STT3B: variants seen among roughly 807,000 people sequenced by gnomAD.
The protein encoded by STT3B is dolichyl-diphosphooligosaccharide--protein glycosyltransferase subunit STT3B.
A neutral mutation model predicts 96.8 loss-of-function variants in STT3B; 29 were observed. The ratio of observed to expected loss-of-function variants is 0.30; its 90% CI spans 0.22 to 0.41. The LOEUF (loss-of-function observed/expected upper bound fraction) is 0.41. Among genes scored for constraint, STT3B ranks in the 10% least tolerant of loss-of-function variants. STT3B has a pLI of 1.00. For missense variants in STT3B, 640 were observed against 1,022.3 expected (o/e 0.63, Z 5.10); for synonymous variants, 367 against 360.0 (o/e 1.02, Z -0.22).
At chr3:31,568,513 C>G (rs1001506860) in intron 1 of STT3B, among the ~76,000 whole-genome samples, 1 of 152,148 alleles carries the variant, frequency 6.6e-6, no homozygotes, top group African/African-American at 2.4e-5. Flanking sequence ...ACATCTTAAC[C>G]AGCATTTGTT....
At chr3:31,559,902 T>C (rs1478437254) in intron 1 of STT3B, among the ~76,000 whole-genome samples, 1 of 152,150 alleles carries the variant, frequency 6.6e-6, no homozygotes, top group African/African-American at 2.4e-5. Flanking sequence ...AGAATTGTTA[T>C]TTCTTCTAGT....
intron 3 of STT3B, among the ~76,000 whole-genome samples, chr3:31,590,113 A>G (rs1698634658): frequency 6.6e-6 from 1 of 151,896 alleles, no homozygotes; most frequent in Admixed American, 6.6e-5. Flanking sequence ...TAAATGACCT[A>G]ATTTGTCGGC....
At position 31,573,572 on chromosome 3, in the gene STT3B, T is replaced by C. The variant is rs146176935; in HGVS notation, c.315-2824T>C. On this transcript the variant is annotated intron_variant, in intron 1 of 15. Transcript: ENST00000295770. The stretch of plus-strand genomic sequence containing the variant: ...AAATGACACCTAGATTTCTTCAACT[T>C]AGGTGGCGGTAAGAGAATACTGAAA... 7.1e-3 allele frequency among the ~76,000 whole-genome samples: 1,078 copies of C among 152,260 alleles called. 12 individuals carry two copies. Among genetic ancestry groups the C allele is most frequent in the African/African-American group, 0.024 (996 of 41,556 alleles).
At chr3:31,606,515 G>T (rs1029284748) in intron 5 of STT3B, among the ~76,000 whole-genome samples, 1 of 152,184 alleles carries the variant, frequency 6.6e-6, no homozygotes, top group Admixed American at 6.5e-5. Context: ...GGCTTCAGAG[G>T]TTGCAACCTG....
chr3:31,566,078 C>A (rs1697997056), intron 1 of STT3B, among the ~76,000 whole-genome samples: 2 of 152,060 alleles, frequency 1.3e-5, no homozygotes, highest in South Asian at 4.1e-4. Flanking sequence ...TATAAATAGA[C>A]AAATAGGTAA....
intron 3 of STT3B, among the ~76,000 whole-genome samples, chr3:31,583,120 A>G (rs1310660283): frequency 3.9e-5 from 6 of 152,170 alleles, no homozygotes; most frequent in East Asian, 1.9e-4. Flanking sequence ...ATTATTGAGA[A>G]TAGAGTATTG....
chr3:31,584,433 A>C (rs571801749), intron 3 of STT3B, among the ~76,000 whole-genome samples: 1 of 152,156 alleles, frequency 6.6e-6, no homozygotes, highest in Non-Finnish European at 1.5e-5. Context: ...CATAAGTTTT[A>C]AGATTAGCTT....
intron 1 of STT3B, among the ~76,000 whole-genome samples, chr3:31,551,426 A>G (rs1697557400): frequency 6.6e-6 from 1 of 152,126 alleles, no homozygotes; most frequent in Admixed American, 6.5e-5. Flanking sequence ...CATGTTGCCC[A>G]GGCTGGTCTT....
chr3:31,563,363 A>G (rs978798293), intron 1 of STT3B, among the ~76,000 whole-genome samples: 2 of 152,226 alleles, frequency 1.3e-5, no homozygotes, highest in African/African-American at 4.8e-5. Context: ...TGTGATAACT[A>G]TGTGCCAGAC....
intron 3 of STT3B, among the ~76,000 whole-genome samples, chr3:31,595,739 T>C (rs1320089489): frequency 1.3e-5 from 2 of 152,206 alleles, no homozygotes; most frequent in African/African-American, 4.8e-5. Flanking sequence ...TTTTGTGGGC[T>C]TAAAAATTTT....
chr3:31,579,721 A>G lies in STT3B; in HGVS notation c.424-88A>G, dbSNP rs1698341832. 5 of 979,148 alleles carry G rather than the reference A, an allele frequency of 5.1e-6. No homozygotes were observed. In the East Asian group the frequency reaches 1.5e-4, roughly 29 times the overall value. 60.7% of individuals were successfully genotyped at this position (979,148 alleles called of 1,614,324 possible). A position where few individuals can be genotyped will look rare whatever the true frequency, so the allele number is the denominator to read the frequency against. On this transcript the variant is annotated intron_variant, in intron 2 of 15. Transcript: ENST00000295770. ...GTTGCTTTCAAACTTATGTAAGGTAAACAAAATGTAATGATGAAGAGTACA... is the reference window on the plus strand; with the variant it reads ...GTTGCTTTCAAACTTATGTAAGGTAGACAAAATGTAATGATGAAGAGTACA...
At chr3:31,559,145 GGGTGTGT>G (rs1697796924) in intron 1 of STT3B, among the ~76,000 whole-genome samples, 2 of 72,432 alleles carry the variant, frequency 2.8e-5, no homozygotes, top group Admixed American at 3.2e-4. Flanking sequence ...TTGATTCTTG[GGGTGTGT>G]GTGTGTGTGT....
intron 1 of STT3B, among the ~76,000 whole-genome samples, chr3:31,543,755 T>C (rs769145581): frequency 2.0e-5 from 3 of 152,138 alleles, no homozygotes; most frequent in Admixed American, 6.5e-5. Flanking sequence ...CCATCAACAA[T>C]TGGGAGATGA....
intron 13 of STT3B, among the ~76,000 whole-genome samples, chr3:31,628,677 A>G (rs1699587608): frequency 1.3e-5 from 2 of 152,176 alleles, no homozygotes; most frequent in Admixed American, 1.3e-4. Context: ...CTCCCCAAAT[A>G]AAGCCGATTT....
intron 2 of STT3B, among the ~76,000 whole-genome samples, chr3:31,578,685 T>A (rs1212538092): frequency 1.3e-5 from 2 of 151,862 alleles, no homozygotes; most frequent in Non-Finnish European, 2.9e-5. Flanking sequence ...TTCCTCCCCC[T>A]CCCCCTTTCT....
Position 31,533,204 on chromosome 3 carries a change from A to G in STT3B, c.206A>G (p.Gln69Arg). ...SGGLSQPAGW[Q>R]SLLSFTILFL... ...GGGCTGTCGCAGCCGGCTGGGTGGC[A>G]GTCGCTTCTCTCCTTCACCATCCTC... is the stretch of plus-strand genomic sequence containing the variant. The change falls in exon 1 of 16, where the codon CAG becomes CGG. Residue 69 changes from glutamine to arginine, a missense_variant. Physicochemically the swap from Gln to Arg is conservative, Grantham distance 43. This residue lies in a region of STT3B where 267 missense variants were observed against 388.3 expected (regional missense o/e 0.69). Transcript: ENST00000295770. 6.9e-7 allele frequency: 1 copy of G among 1,443,584 alleles called. No homozygotes were observed. The highest frequency in any genetic ancestry group is 1.4e-5 in the South Asian group (1 of 72,918). The allele number at this position is 1,443,584 out of a possible 1,614,324, so 89.4% of individuals were successfully genotyped here. A position where few individuals can be genotyped will look rare whatever the true frequency, so the allele number is the denominator to read the frequency against.
chr3:31,592,777 A>G (rs528224242), intron 3 of STT3B, among the ~76,000 whole-genome samples: 159 of 152,232 alleles, frequency 1.0e-3, no homozygotes, highest in Non-Finnish European at 1.9e-3. Flanking sequence ...TTCCCGTCAT[A>G]TATTTCTTTG....
At chr3:31,613,762 G>A (rs930684148) in intron 5 of STT3B, among the ~76,000 whole-genome samples, 3 of 151,492 alleles carry the variant, frequency 2.0e-5, no homozygotes, top group Non-Finnish European at 2.9e-5. Context: ...TAGACATTTC[G>A]GGTCATGTGA....
chr3:31,621,094 T>C (rs1222004558), intron 9 of STT3B, among the ~76,000 whole-genome samples: 2 of 152,220 alleles, frequency 1.3e-5, no homozygotes, highest in African/African-American at 4.8e-5. Flanking sequence ...ATAGTAAATA[T>C]TCCAAAGTCA....
Sources: gnomAD v4.1 joint callset for allele counts (sites outside exome capture counted in the v4.1 genomes callset) on GRCh38, gnomAD v4.1.1 for gene constraint, gnomAD v4.1.1 regional missense constraint, MANE v1.5 for transcripts, NCBI Gene and HGNC (gene_info 2026-07-23, HGNC 2026-07-21) for gene names.